The following SH3BP4 variants were observed in gnomAD, a reference collection of about 807,000 sequenced individuals.
SH3BP4 encodes the protein SH3 domain-binding protein 4.
A neutral mutation model predicts 65.5 loss-of-function variants in SH3BP4; 33 were observed. The observed-to-expected ratio is 0.50, with a 90% CI of 0.38 to 0.67. The LOEUF (loss-of-function observed/expected upper bound fraction) is 0.67. Among genes scored for constraint, SH3BP4 ranks in the 30% least tolerant of loss-of-function variants. SH3BP4 has a pLI of 0.00. For missense variants in SH3BP4, 1,134 were observed against 1,261.4 expected (o/e 0.90, Z 1.53); for synonymous variants, 552 against 545.5 (o/e 1.01, Z -0.17).
intron 1 of SH3BP4, among the ~76,000 whole-genome samples, chr2:234,960,869 C>T (rs536945492): frequency 1.3e-5 from 2 of 152,304 alleles, no homozygotes; most frequent in African/African-American, 4.8e-5. Context: ...TTACATGGCT[C>T]ACGTATCATG....
intron 1 of SH3BP4, among the ~76,000 whole-genome samples, chr2:234,956,385 T>C (rs1666454739): frequency 6.6e-6 from 1 of 152,200 alleles, no homozygotes; most frequent in Admixed American, 6.5e-5. Flanking sequence ...ATAAATGACA[T>C]ACTAATGAGA....
At chr2:235,049,987 T>A (rs1049886791) in intron 4 of SH3BP4, among the ~76,000 whole-genome samples, 1 of 152,056 alleles carries the variant, frequency 6.6e-6, no homozygotes, top group Non-Finnish European at 1.5e-5. Flanking sequence ...CATTTCTCGG[T>A]GTGAAACCCA....
At position 235,052,492 on chromosome 2, in the gene SH3BP4, G is replaced by A; in HGVS notation, c.2479-70G>A. ...ATGGCCATTCCTGCGCCGTCTGCTG[G>A]AATTCTGCGGGGAGCAGAGCCTGCC... On this transcript the variant is annotated intron_variant, in intron 4 of 5. Coordinates refer to ENST00000392011, the MANE Select transcript of SH3BP4 (RefSeq NM_014521.3). This position sits in a 1 kb window ranked among gnomAD's most constrained non-coding sequence, Gnocchi z 5.0. The A allele has an allele frequency of 7.7e-7, 1 of 1,300,820 alleles. No homozygotes were observed. The highest frequency in any genetic ancestry group is 1.0e-6 in the Non-Finnish European group (1 of 965,822). The allele number at this position is 1,300,820 out of a possible 1,614,324, so 80.6% of individuals were successfully genotyped here. A position where few individuals can be genotyped will look rare whatever the true frequency, so the allele number is the denominator to read the frequency against.
At position 234,954,063 on chromosome 2, in the gene SH3BP4, C is replaced by T. The variant is rs189141520; in HGVS notation, c.-207+1893C>T. On this transcript the variant is annotated intron_variant, in intron 1 of 5. Coordinates refer to ENST00000392011, the MANE Select transcript of SH3BP4 (RefSeq NM_014521.3). ...AGTTAGTTCTGGGAGGACGCATAAA[C>T]TGAACAAACCTGGCTTCCTAGAGAT... 3.1e-3 allele frequency among the ~76,000 whole-genome samples: 474 copies of T among 152,150 alleles called. 4 individuals carry two copies. Among genetic ancestry groups the T allele is most frequent in the African/African-American group, 0.011 (457 of 41,510 alleles).
chr2:235,043,056 A>G lies in SH3BP4; in HGVS notation c.2287A>G (p.Met763Val). 1.2e-6 allele frequency: 2 copies of G among 1,613,004 alleles called. No homozygotes were observed. The highest frequency in any genetic ancestry group is 2.2e-5 in the South Asian group (2 of 90,978). Residue 763 changes from methionine (M) to valine (V), a missense_variant, in exon 4 of 6, where the codon ATG becomes GTG. Physicochemically the swap from Met to Val is conservative, Grantham distance 21. Transcript: ENST00000392011. ...YIYASVRTLL[M>V]ENISSWRSFA... ...CTATGCCTCCGTGAGGACCCTGCTC[A>G]TGGAGAACATCAGCAGCTGGCGCTC...
Position 235,046,871 on chromosome 2 carries a change from T to G in SH3BP4, c.2478+3624T>G, listed in dbSNP as rs1467903449. Among the ~76,000 whole-genome samples, 2 of 152,174 alleles carry G rather than the reference T, an allele frequency of 1.3e-5. No individual in the cohort carries two copies. The highest frequency in any genetic ancestry group is 1.5e-5 in the Non-Finnish European group (1 of 68,028). On this transcript the variant is annotated intron_variant, in intron 4 of 5. Coordinates refer to ENST00000392011, the MANE Select transcript of SH3BP4 (RefSeq NM_014521.3). This position sits in a 1 kb window ranked among gnomAD's most constrained non-coding sequence, Gnocchi z 4.2. ...GTTCCATTTCCTCTTTCCATTCTTTTTGTGCCTGTTTTTGATAGAGTCCGT... is the reference window on the plus strand; with the variant it reads ...GTTCCATTTCCTCTTTCCATTCTTTGTGTGCCTGTTTTTGATAGAGTCCGT...
chr2:234,992,601 G>T (rs867042480), intron 1 of SH3BP4, among the ~76,000 whole-genome samples: 2 of 136,492 alleles, frequency 1.5e-5, no homozygotes, highest in Non-Finnish European at 3.4e-5. Context: ...GGAGATGGAC[G>T]CATTCCTGCC....
rs375625541 is a variant in SH3BP4, at chr2:235,052,484, G to C, written c.2479-78G>C. 2 of 1,202,444 alleles carry C rather than the reference G, an allele frequency of 1.7e-6. No individual in the cohort carries two copies. Among genetic ancestry groups the C allele is most frequent in the East Asian group, 2.6e-5 (1 of 38,534 alleles). 74.5% of individuals were successfully genotyped at this position (1,202,444 alleles called of 1,614,324 possible). A position where few individuals can be genotyped will look rare whatever the true frequency, so the allele number is the denominator to read the frequency against. On this transcript the variant is annotated intron_variant, in intron 4 of 5. Transcript: ENST00000392011. The surrounding 1 kb of genome is among the most constrained non-coding windows in gnomAD (Gnocchi z 5.0). ...GAGAGCCCATGGCCATTCCTGCGCC[G>C]TCTGCTGGAATTCTGCGGGGAGCAG... is the stretch of plus-strand genomic sequence containing the variant.
rs1211680855 is a variant in SH3BP4 at position 235,045,260 on chromosome 2, G to A, written c.2478+2013G>A. ...AACCTGACAGCATTGCTGAGCCCAGGACACTCACCTCGACGTTGCACCAGA... is the reference window on the plus strand; with the variant it reads ...AACCTGACAGCATTGCTGAGCCCAGAACACTCACCTCGACGTTGCACCAGA... On this transcript the variant is annotated intron_variant, in intron 4 of 5. Transcript: ENST00000392011. This position sits in a 1 kb window ranked among gnomAD's most constrained non-coding sequence, Gnocchi z 4.3. Among the ~76,000 whole-genome samples the A allele has an allele frequency of 1.3e-5, 2 of 152,166 alleles. No homozygotes were observed. Among genetic ancestry groups the A allele is most frequent in the Non-Finnish European group, 2.9e-5 (2 of 68,028 alleles).
Position 235,042,606 on chromosome 2 carries a change from C to G in SH3BP4, c.1837C>G (p.Pro613Ala), listed in dbSNP as rs142429272. Residue 613 changes from proline to alanine, a missense_variant, in exon 4 of 6, where the codon CCT becomes GCT. Coordinates refer to ENST00000392011, the MANE Select transcript of SH3BP4 (RefSeq NM_014521.3). This position sits in a 1 kb window ranked among gnomAD's most constrained non-coding sequence, Gnocchi z 7.3. The stretch of plus-strand genomic sequence containing the variant: ...TTGTGTCCAGACTCCTCAGCCACCC[C>G]CTAAAAGTGCCATCAAGCCTTCCGG... ...QFCVQTPQPP[P>A]KSAIKPSGQR... The G allele has an allele frequency of 4.2e-5, 67 of 1,613,946 alleles. No individual in the cohort carries two copies. In the African/African-American group the frequency reaches 8.0e-4, roughly 19 times the overall value.
chr2:234,982,298 G>A (rs1352630564), intron 1 of SH3BP4, among the ~76,000 whole-genome samples: 1 of 152,144 alleles, frequency 6.6e-6, no homozygotes, highest in Non-Finnish European at 1.5e-5. Context: ...CTGTGGCTTT[G>A]CAGGGTTTTG....
chr2:235,038,366 A>ATTTT (rs1248934629), intron 3 of SH3BP4, among the ~76,000 whole-genome samples: 1,065 of 39,542 alleles, frequency 0.027, 125 homozygotes, highest in African/African-American at 0.12. Context: ...ATATATATAT[A>ATTTT]ATATATATAC....
intron 1 of SH3BP4, among the ~76,000 whole-genome samples, chr2:234,993,578 A>T (rs1693819316): frequency 6.6e-6 from 1 of 152,234 alleles, no homozygotes; most frequent in South Asian, 2.1e-4. Context: ...GAAGTTGCGG[A>T]AGTCTGAAAA....
At chr2:235,032,894 C>T (rs1695250657) in intron 2 of SH3BP4, among the ~76,000 whole-genome samples, 1 of 152,186 alleles carries the variant, frequency 6.6e-6, no homozygotes, top group Non-Finnish European at 1.5e-5. Context: ...GGAATAAGCA[C>T]ACAGACCTGA....
intron 1 of SH3BP4, among the ~76,000 whole-genome samples, chr2:234,962,225 C>G (rs953909592): frequency 6.6e-6 from 1 of 152,168 alleles, no homozygotes; most frequent in Non-Finnish European, 1.5e-5. Flanking sequence ...CAACCTCCGC[C>G]TCCCAGGTTC....
intron 1 of SH3BP4, among the ~76,000 whole-genome samples, chr2:234,959,500 G>A (rs1559223120): frequency 6.6e-6 from 1 of 152,258 alleles, no homozygotes; most frequent in East Asian, 1.9e-4. Context: ...TATGATAGAA[G>A]TAATTCCTCC....
chr2:234,956,913 A>AG (rs1194117022), intron 1 of SH3BP4, among the ~76,000 whole-genome samples: 42 of 152,246 alleles, frequency 2.8e-4, no homozygotes, highest in African/African-American at 1.0e-3. Context: ...CCAATGTAGG[A>AG]GGTCCCTGAG....
chr2:235,041,019 G>A lies in SH3BP4; in HGVS notation c.250G>A (p.Val84Ile), dbSNP rs747415553. The change falls in exon 4 of 6, where the codon GTC (valine) becomes ATC (isoleucine). Residue 84 changes from valine (V) to isoleucine (I), a missense_variant. Physicochemically the swap from Val to Ile is conservative, Grantham distance 29. Transcript: ENST00000392011. This position sits in a 1 kb window ranked among gnomAD's most constrained non-coding sequence, Gnocchi z 6.0. The part of the protein sequence containing the change: ...LKFSKGDHLY[V>I]LDTSGGEWWY... ...GTTCTCCAAGGGCGACCATCTCTAC[G>A]TCTTGGACACATCTGGCGGTGAGTG... The A allele has an allele frequency of 2.4e-5, 39 of 1,613,992 alleles. No individual in the cohort carries two copies. The highest frequency in any genetic ancestry group is 5.0e-5 in the Admixed American group (3 of 60,006).
rs188826396 is a variant in SH3BP4, at chr2:235,045,922, A to G, written c.2478+2675A>G. On this transcript the variant is annotated intron_variant, in intron 4 of 5. Transcript: ENST00000392011. This position sits in a 1 kb window ranked among gnomAD's most constrained non-coding sequence, Gnocchi z 4.3. ...TGAGAGTTTGAGACAGTCAGTGTGC[A>G]GGGAGATGGGAAGGAAAAAGGAGTC... is the stretch of plus-strand genomic sequence containing the variant. Among the ~76,000 whole-genome samples the G allele has an allele frequency of 2.0e-5, 3 of 152,308 alleles. No homozygotes were observed. Among genetic ancestry groups the G allele is most frequent in the East Asian group, 1.9e-4 (1 of 5,172 alleles).
Sources: allele counts gnomAD v4.1 joint callset (sites outside exome capture counted in the v4.1 genomes callset), GRCh38; gene constraint gnomAD v4.1.1; non-coding constraint Gnocchi (gnomAD v3.1); transcripts MANE v1.5; gene names NCBI Gene and HGNC (gene_info 2026-07-23, HGNC 2026-07-21).